The following MAN2C1 variants were observed in gnomAD, a reference collection of about 807,000 sequenced individuals.
The protein encoded by MAN2C1 is alpha-mannosidase 2C1.
In MAN2C1, 111 loss-of-function variants were observed where a neutral mutation model predicts 126.9. The ratio of observed to expected loss-of-function variants is 0.87; its 90% CI spans 0.75 to 1.02. The LOEUF is 1.02. MAN2C1 is among the 50% of genes least tolerant of loss of function. MAN2C1 has a pLI of 0.00. For synonymous variants in MAN2C1, 567 were observed against 561.5 expected (o/e 1.01, Z -0.14); for missense variants, 1,363 against 1,364.4 (o/e 1.00, Z 0.02).
chr15:75,361,270 C>T lies in MAN2C1; in HGVS notation c.1314+16G>A, dbSNP rs1222011681. The T allele has an allele frequency of 1.3e-6, 2 of 1,575,726 alleles. No homozygotes were observed. Among genetic ancestry groups the T allele is most frequent in the African/African-American group, 1.3e-5 (1 of 74,624 alleles). On this transcript the variant is annotated intron_variant, in intron 11 of 25. Transcript: ENST00000267978. This position sits in a 1 kb window ranked among gnomAD's most constrained non-coding sequence, Gnocchi z 5.0. ...TCCAGCCTGCCCCTACCCCACCACCCTAGGTGACCCCTCACCTCCTCCACG... is the reference window on the plus strand; with the variant it reads ...TCCAGCCTGCCCCTACCCCACCACCTTAGGTGACCCCTCACCTCCTCCACG...
chr15:75,364,307 TC>T (rs2072533464), intron 5 of MAN2C1, 119 bp from the exon 6 acceptor site: 2 of 1,273,964 alleles, frequency 1.6e-6, no homozygotes, highest in East Asian at 2.6e-5. Flanking sequence ...TCCCTGCTGG[TC>T]CCCCTGCTCA....
At chr15:75,367,666 G>A (rs1368768533) in intron 2 of MAN2C1, 32 bp from the exon 3 acceptor site, 3 of 1,613,308 alleles carry the variant, frequency 1.9e-6, no homozygotes, top group Non-Finnish European at 2.5e-6. Flanking sequence ...AGGCCTAGAG[G>A]TAGAAGTCCT....
In MAN2C1 at chr15:75,356,123, G is replaced by A; in HGVS notation, c.2983C>T (p.Gln995Ter). 1 of 1,613,806 alleles carries A rather than the reference G, an allele frequency of 6.2e-7. No individual in the cohort carries two copies. The highest frequency in any genetic ancestry group is 1.1e-5 in the South Asian group (1 of 91,074). ...DCWLHLSLPV[Q>*]EAILCDLLER... is the part of the protein sequence containing the mutation. ...ACCGCCACTCACAGGATGGCCTCCT[G>A]AACCGGCAGCGACAAGTGCAGCCAG... The change falls in exon 25 of 26, where the codon CAG (glutamine) becomes TAG (stop). Residue 995 changes from glutamine (Q) to a stop codon, truncating the protein, a stop_gained. Coordinates refer to ENST00000267978, the MANE Select transcript of MAN2C1 (RefSeq NM_006715.4). LOFTEE classifies it high-confidence loss of function. This position sits in a 1 kb window ranked among gnomAD's most constrained non-coding sequence, Gnocchi z 5.8.
Position 75,356,332 on chromosome 15 carries a change from G to A in MAN2C1, c.2855C>T (p.Ser952Leu), listed in dbSNP as rs1312778113. 1.2e-6 allele frequency: 2 copies of A among 1,612,588 alleles called. No homozygotes were observed. Among genetic ancestry groups the A allele is most frequent in the South Asian group, 2.2e-5 (2 of 90,820 alleles). The change falls in exon 24 of 26, where the codon TCA becomes TTA. Residue 952 changes from serine (S) to leucine (L), a missense_variant. Ser to Leu is a moderately radical substitution (Grantham distance 145, BLOSUM62 -2). This residue lies in a region of MAN2C1 where 668 missense variants were observed against 650.1 expected (regional missense o/e 1.03). Transcript: ENST00000267978. The surrounding 1 kb of genome is among the most constrained non-coding windows in gnomAD (Gnocchi z 5.8). ...GACGGTCTCCAATACGACCGCGGGT[G>A]AAGACACGGAAAACGCACTCCAGGA... ...ATSWSAFSVSSPAVVLETVKQ... is the reference protein window; with the variant it reads ...ATSWSAFSVSLPAVVLETVKQ...
intron 3 of MAN2C1, 82 bp from the exon 4 acceptor site, chr15:75,366,674 C>G: frequency 9.8e-7 from 1 of 1,023,638 alleles, no homozygotes; most frequent in Non-Finnish European, 1.4e-6. Flanking sequence ...GGAGTCAGGC[C>G]CCTCCATCTG....
intron 3 of MAN2C1, 136 bp downstream of exon 3, chr15:75,367,375 C>G (rs1246375033): frequency 1.7e-6 from 2 of 1,153,092 alleles, no homozygotes; most frequent in African/African-American, 3.1e-5. Context: ...GGCAACTTCC[C>G]TAGTCCTGAA....
At chr15:75,357,009 A>C in intron 21 of MAN2C1, 107 bp from the exon 22 acceptor site, 2 of 859,888 alleles carry the variant, frequency 2.3e-6, no homozygotes, top group Non-Finnish European at 3.7e-6. Flanking sequence ...GAACCACACA[A>C]CTGAACTCCA....
chr15:75,368,256 C>A (rs1195196557), intron 1 of MAN2C1, 58 bp from the exon 2 acceptor site: 4 of 1,538,410 alleles, frequency 2.6e-6, no homozygotes, highest in Non-Finnish European at 3.5e-6. Flanking sequence ...CGCCTGGGGG[C>A]CAGCTGGCCG....
chr15:75,360,071 G>A lies in MAN2C1; in HGVS notation c.1706+19C>T. ...GCAGTGAGCAGTCAGGTGGATGGCA[G>A]GGACAGAACTGGGCTGACCTCCAGA... On this transcript the variant is annotated intron_variant, in intron 14 of 25. Coordinates refer to ENST00000267978, the MANE Select transcript of MAN2C1 (RefSeq NM_006715.4). The A allele has an allele frequency of 6.2e-7, 1 of 1,614,026 alleles. No individual in the cohort carries two copies. Among genetic ancestry groups the A allele is most frequent in the Non-Finnish European group, 8.5e-7 (1 of 1,180,002 alleles).
rs2072439426 is a variant in MAN2C1 at position 75,360,228 on chromosome 15, AAGATTAGTCTGG to A, written c.1585-29_1585-18del. The A allele has an allele frequency of 6.2e-7, 1 of 1,605,236 alleles. No homozygotes were observed. The highest frequency in any genetic ancestry group is 1.3e-5 in the African/African-American group (1 of 75,016). On this transcript the variant is annotated intron_variant, in intron 13 of 25. Coordinates refer to ENST00000267978, the MANE Select transcript of MAN2C1 (RefSeq NM_006715.4). ...CTTCTTGATCTGAGCCCAGGATGGG[AAGATTAGTCTGG>A]AGCCTGCTTAGCTGTCCCAGGACAC...
In MAN2C1 at chr15:75,362,364, C is replaced by G. The variant is rs201160317; in HGVS notation, c.987G>C (p.Val329=). 2.2e-4 allele frequency: 354 copies of G among 1,613,952 alleles called. 4 individuals are homozygous for G. In the East Asian group the frequency reaches 6.9e-3, roughly 31 times the overall value. ...EFACRGQFVP[V]GGTWVEMDGN... ...TTACCATCTCCACCCAGGTGCCCCC[C>G]ACAGGCACAAACTGCCCACGGCACG... is the stretch of plus-strand genomic sequence containing the variant. Residue 329 remains valine (V), a synonymous_variant, in exon 8 of 26, where the codon GTG becomes GTC. Transcript: ENST00000267978. The surrounding 1 kb of genome is among the most constrained non-coding windows in gnomAD (Gnocchi z 4.5).
chr15:75,360,746 T>C, intron 12 of MAN2C1, 58 bp from the exon 13 acceptor site: 1 of 1,591,266 alleles, frequency 6.3e-7, no homozygotes, highest in Non-Finnish European at 8.6e-7. Flanking sequence ...CTCACCCTTC[T>C]TCCACACCAA....
At chr15:75,360,474 C>G in intron 13 of MAN2C1, 91 bp downstream of exon 13, 1 of 1,536,360 alleles carries the variant, frequency 6.5e-7, no homozygotes, top group Non-Finnish European at 8.8e-7. Context: ...TCCCCTAGAT[C>G]TGGCCTGGGC....
chr15:75,364,443 G>T, intron 5 of MAN2C1, 45 bp downstream of exon 5: 1 of 1,494,148 alleles, frequency 6.7e-7, no homozygotes, highest in Non-Finnish European at 8.9e-7. Context: ...CCTTCTTGGA[G>T]CAGGGCTCTA....
chr15:75,356,230 ACACGT>A lies in MAN2C1; in HGVS notation c.2887-16_2887-12del. ...GGGGCTGCTCTCCGCCTGCAGAGGA[ACACGT>A]CTGGTGGGAGGGGCCGAGGGCAGGC... is the stretch of plus-strand genomic sequence containing the variant. On this transcript the variant is annotated splice_polypyrimidine_tract_variant and intron_variant, in intron 24 of 25. Transcript: ENST00000267978. The surrounding 1 kb of genome is among the most constrained non-coding windows in gnomAD (Gnocchi z 5.8). 6.2e-7 allele frequency: 1 copy of A among 1,613,024 alleles called. No homozygotes were observed. Among genetic ancestry groups the A allele is most frequent in the Non-Finnish European group, 8.5e-7 (1 of 1,179,754 alleles).
rs2072537978 is a variant in MAN2C1, at chr15:75,364,539, C to A, written c.549G>T (p.Arg183=). The A allele has an allele frequency of 1.2e-6, 2 of 1,607,776 alleles. No individual in the cohort carries two copies. The highest frequency in any genetic ancestry group is 1.7e-6 in the Non-Finnish European group (2 of 1,177,036). Residue 183 remains arginine (R), a synonymous_variant, in exon 5 of 26, where the codon CGG becomes CGT. Transcript: ENST00000267978. ...GATCCACCAGGAGCATGTGGACATC[C>A]CGGTGGAACACAGCTAGCTCAGCCC... ...LSRAELAVFH[R]DVHMLLVDLE...
Position 75,361,535 on chromosome 15 carries a change from G to T in MAN2C1, c.1218+69C>A. ...GGTCTGTCTAGGACCCCACAATAAGGGGGAGAGGCAAATGGGCCAGGCGGG... is the reference window on the plus strand; with the variant it reads ...GGTCTGTCTAGGACCCCACAATAAGTGGGAGAGGCAAATGGGCCAGGCGGG... On this transcript the variant is annotated intron_variant, in intron 10 of 25. Transcript: ENST00000267978. The surrounding 1 kb of genome is among the most constrained non-coding windows in gnomAD (Gnocchi z 5.0). The T allele has an allele frequency of 3.0e-6, 4 of 1,353,270 alleles. No individual in the cohort carries two copies. The Admixed American group carries it at 6.7e-5, about 23-fold the overall frequency. 83.8% of individuals were successfully genotyped at this position (1,353,270 alleles called of 1,614,324 possible).
At chr15:75,367,910 C>A in intron 2 of MAN2C1, 163 bp downstream of exon 2, 1 of 1,041,260 alleles carries the variant, frequency 9.6e-7, no homozygotes, top group Non-Finnish European at 1.4e-6. Flanking sequence ...GACCCAGGGA[C>A]CAGAGAGCTG....
intron 5 of MAN2C1, 119 bp from the exon 6 acceptor site, chr15:75,364,307 T>C (rs2072533345): frequency 1.6e-6 from 2 of 1,273,950 alleles, no homozygotes; most frequent in Non-Finnish European, 1.1e-6. Flanking sequence ...TCCCTGCTGG[T>C]CCCCCTGCTC....
Sources: gnomAD v4.1 joint callset for allele counts on GRCh38, gnomAD v4.1.1 for gene constraint, gnomAD v4.1.1 regional missense constraint, Gnocchi (gnomAD v3.1) non-coding constraint, MANE v1.5 for transcripts, NCBI Gene and HGNC (gene_info 2026-07-23, HGNC 2026-07-21) for gene names.